ATRX: variants seen among roughly 807,000 people sequenced by gnomAD.
The protein encoded by ATRX is ATRX chromatin remodeler, also known as chromatin remodeler ATRX.
In ATRX, 12 loss-of-function variants were observed where a neutral mutation model predicts 172.6. That is an observed-to-expected ratio of 0.07 (90% CI 0.04 to 0.11). The LOEUF is 0.11. Among genes scored for constraint, ATRX ranks in the 10% least tolerant of loss-of-function variants. The pLI is 1.00. For missense variants in ATRX, 1,368 were observed against 1,767.4 expected (o/e 0.77, Z 4.05); for synonymous variants, 674 against 594.7 (o/e 1.13, Z -1.94).
In ATRX at chrX:77,731,802, C is replaced by G. The variant is rs192476540; in HGVS notation, c.21-14559G>C. Among the ~76,000 whole-genome samples the G allele has an allele frequency of 2.6e-3, 293 of 110,841 alleles. 1 individual carries two copies. Among genetic ancestry groups the G allele is most frequent in the African/African-American group, 9.1e-3 (278 of 30,506 alleles). ...CTTCAGGGAGATCAGCCCTTCCCAT[C>G]CCCTCTCCAGCTCCCCTCTCCACTG... On this transcript the variant is annotated intron_variant, in intron 1 of 34. Transcript: ENST00000373344.
chrX:77,506,066 A>G lies in ATRX; in HGVS notation c.*2285T>C, dbSNP rs2062700823. 5.9e-6 allele frequency: 1 copy of G among 169,980 alleles called. No homozygotes were observed. The highest frequency in any genetic ancestry group is 1.1e-5 in the Non-Finnish European group (1 of 88,670). The allele number at this position is 169,980 out of a possible 1,213,427, so 14.0% of individuals were successfully genotyped here. A position where few individuals can be genotyped will look rare whatever the true frequency, so the allele number is the denominator to read the frequency against. On this transcript the variant is annotated 3_prime_UTR_variant, in exon 35 of 35. Coordinates refer to ENST00000373344, the MANE Select transcript of ATRX (RefSeq NM_000489.6). ...ACAATACTAAGCAAAAACGCTTTAC[A>G]CCCAAAGAAATAAAACAGGTTACAA...
intron 22 of ATRX, 140 bp downstream of exon 22, chrX:77,616,473 T>A: frequency 8.5e-7 from 1 of 1,171,557 alleles, no homozygotes; most frequent in Non-Finnish European, 1.2e-6. Flanking sequence ...TAGAAATATT[T>A]TATGCTTTTA....
chrX:77,729,290 A>T lies in ATRX; in HGVS notation c.21-12047T>A, dbSNP rs1364625424. On this transcript the variant is annotated intron_variant, in intron 1 of 34. Transcript: ENST00000373344. ...ATGCTAACCAAAAATAGCAGGCTAT[A>T]AACTGTCTATGAAGTATGATGACAA... 3.6e-5 allele frequency among the ~76,000 whole-genome samples: 4 copies of T among 111,649 alleles called. No homozygotes were observed. The East Asian group carries it at 1.1e-3, about 31-fold the overall frequency.
At position 77,664,634 on chromosome X, in the gene ATRX, G is replaced by A. The variant is rs782022160; in HGVS notation, c.3943+11C>T. On this transcript the variant is annotated intron_variant, in intron 11 of 34. Coordinates refer to ENST00000373344, the MANE Select transcript of ATRX (RefSeq NM_000489.6). ...ATTATGACATTATAAACTTCTCTCT[G>A]GGGAGCTCACCCTCATCTCCTGGGT... 2.5e-6 allele frequency: 3 copies of A among 1,209,888 alleles called. No homozygotes were observed. The highest frequency in any genetic ancestry group is 1.8e-5 in the South Asian group (1 of 56,892).
At chrX:77,566,956 T>C (rs1295368536) in intron 28 of ATRX, among the ~76,000 whole-genome samples, 8 of 111,417 alleles carry the variant, frequency 7.2e-5, no homozygotes, top group African/African-American at 2.3e-4. Context: ...CTTGAGACAG[T>C]CATATTATAA....
chrX:77,594,227 C>G, intron 25 of ATRX: 1 of 124,427 alleles, frequency 8.0e-6, no homozygotes, highest in Non-Finnish European at 1.6e-5. Flanking sequence ...GAGTAAAATG[C>G]CCCCAAACAT....
rs185428219 is a variant in ATRX, at chrX:77,708,107, G to T, written c.133+9024C>A. Among the ~76,000 whole-genome samples, 645 of 111,680 alleles carry T rather than the reference G, an allele frequency of 5.8e-3. 3 individuals carry two copies. The highest frequency in any genetic ancestry group is 0.023 in the Middle Eastern group (5 of 218). ...TACACAAGATAAACAAAAATATATG[G>T]CTACACACAAAAAACTGTACACCAA... On this transcript the variant is annotated intron_variant, in intron 2 of 34. Transcript: ENST00000373344.
intron 2 of ATRX, among the ~76,000 whole-genome samples, chrX:77,713,046 G>A (rs1400929564): frequency 2.7e-5 from 3 of 110,249 alleles, no homozygotes; most frequent in African/African-American, 9.9e-5. Context: ...CTACTTGGTA[G>A]GCTGAGGCAG....
chrX:77,673,419 A>G (rs1250924543), intron 10 of ATRX, among the ~76,000 whole-genome samples: 2 of 111,339 alleles, frequency 1.8e-5, no homozygotes, highest in African/African-American at 6.5e-5. Flanking sequence ...AACTACATAA[A>G]GCCTAAGCTC....
intron 7 of ATRX, among the ~76,000 whole-genome samples, chrX:77,686,333 A>G (rs1285290377): frequency 8.9e-6 from 1 of 112,046 alleles, no homozygotes; most frequent in African/African-American, 3.2e-5. Flanking sequence ...TACACCTACC[A>G]TGAACCCACA....
intron 1 of ATRX, among the ~76,000 whole-genome samples, chrX:77,719,329 C>G (rs2073619239): frequency 9.0e-6 from 1 of 110,760 alleles, no homozygotes; most frequent in Non-Finnish European, 1.9e-5. Context: ...TACCAATGGC[C>G]AATAAGCACA....
chrX:77,596,376 C>T (rs933864129), intron 25 of ATRX: 5 of 110,457 alleles, frequency 4.5e-5, no homozygotes, highest in Non-Finnish European at 7.6e-5. Flanking sequence ...ATACCAGCTA[C>T]GTATGTCCAT....
chrX:77,570,667 C>G (rs1457553746), intron 28 of ATRX, among the ~76,000 whole-genome samples: 1 of 111,664 alleles, frequency 9.0e-6, no homozygotes, highest in Non-Finnish European at 1.9e-5. Flanking sequence ...GACTTGACAT[C>G]AGAACCATGA....
At chrX:77,779,116 T>TTTTTTTTTTTTA (rs2076477979) in intron 1 of ATRX, among the ~76,000 whole-genome samples, 1 of 93,018 alleles carries the variant, frequency 1.1e-5, no homozygotes, top group Non-Finnish European at 2.1e-5. Flanking sequence ...TTTTTTTTTT[T>TTTTTTTTTTTTA]GTATTTTTAG....
intron 31 of ATRX, 144 bp downstream of exon 31, chrX:77,523,108 A>C: frequency 1.2e-6 from 1 of 817,181 alleles, no homozygotes; most frequent in African/African-American, 2.0e-5. Flanking sequence ...AAACCAACCC[A>C]TAAAGAGATT....
chrX:77,615,030 G>GCC (rs2067301225), intron 22 of ATRX, among the ~76,000 whole-genome samples: 3 of 111,144 alleles, frequency 2.7e-5, no homozygotes, highest in Non-Finnish European at 3.8e-5. Flanking sequence ...ACAAGGTAGT[G>GCC]CTCTGTTGCC....
intron 22 of ATRX, among the ~76,000 whole-genome samples, chrX:77,604,154 C>A (rs1206967180): frequency 2.7e-5 from 3 of 112,000 alleles, no homozygotes; most frequent in Non-Finnish European, 5.6e-5. Flanking sequence ...CAAAAACAGA[C>A]AAATGGGACT....
At chrX:77,592,139 C>T (rs1336661355) in intron 26 of ATRX, among the ~76,000 whole-genome samples, 2 of 111,213 alleles carry the variant, frequency 1.8e-5, no homozygotes, top group Middle Eastern at 4.6e-3. Context: ...AAGCTAGGCG[C>T]GGTGGCTCAC....
rs1189309413 is a variant in ATRX at position 77,633,715 on chromosome X, A to AT, written c.4810-4dup. The AT allele has an allele frequency of 8.3e-7, 1 of 1,204,976 alleles. No individual in the cohort carries two copies. The highest frequency in any genetic ancestry group is 1.1e-6 in the Non-Finnish European group (1 of 890,535). On this transcript the variant is annotated splice_polypyrimidine_tract_variant and splice_region_variant and intron_variant, in intron 17 of 34. Transcript: ENST00000373344. ...ACTGTATGAAGAAAACTTACCACCT[A>AT]TAAGAAAACAGATTGTCACCTTCGT...
Sources: allele counts gnomAD v4.1 joint callset (sites outside exome capture counted in the v4.1 genomes callset), GRCh38; gene constraint gnomAD v4.1.1; transcripts MANE v1.5; gene names NCBI Gene and HGNC (gene_info 2026-07-23, HGNC 2026-07-21).